TMEM245: variants seen among roughly 807,000 people sequenced by gnomAD.
The protein encoded by TMEM245 is protein CG-2.
In TMEM245, 69 loss-of-function variants were observed where a neutral mutation model predicts 101.2. The observed-to-expected ratio is 0.68, with a 90% CI of 0.56 to 0.83. The LOEUF (loss-of-function observed/expected upper bound fraction) is 0.83. Among genes scored for constraint, TMEM245 ranks in the 40% least tolerant of loss-of-function variants. The probability of loss-of-function intolerance (pLI) is 0.00; values close to 1 mark genes in which losing one functional copy is unlikely to be tolerated. For missense variants in TMEM245, 1,075 were observed against 1,092.8 expected, an observed-to-expected ratio of 0.98 and a Z score of 0.23; for synonymous variants, 537 against 449.8, an observed-to-expected ratio of 1.19 and a Z score of -2.45.
intron 4 of TMEM245, among the ~76,000 whole-genome samples, chr9:109,091,418 T>C (rs969400575): frequency 4.6e-5 from 7 of 152,194 alleles, no homozygotes; most frequent in Non-Finnish European, 1.0e-4. Context: ...TAAAACAAAA[T>C]ACATGACAAA....
intron 16 of TMEM245, among the ~76,000 whole-genome samples, chr9:109,033,827 G>C (rs1002592481): frequency 6.6e-6 from 1 of 152,200 alleles, no homozygotes; most frequent in Non-Finnish European, 1.5e-5. Context: ...CTTGGGACTG[G>C]TTAGGAGTCA....
intron 17 of TMEM245, among the ~76,000 whole-genome samples, chr9:109,028,523 A>C (rs965400332): frequency 6.6e-6 from 1 of 152,018 alleles, no homozygotes; most frequent in African/African-American, 2.4e-5. Flanking sequence ...CCATTCAAAA[A>C]ATTTCTGATT....
At chr9:109,115,939 AG>A (rs1318675967) in intron 1 of TMEM245, among the ~76,000 whole-genome samples, 1 of 152,350 alleles carries the variant, frequency 6.6e-6, no homozygotes, top group Non-Finnish European at 1.5e-5. Context: ...AACTGCTGCT[AG>A]GTCTATTGAA....
At chr9:109,059,860 CTG>C (rs1828956347) in intron 11 of TMEM245, among the ~76,000 whole-genome samples, 1 of 151,738 alleles carries the variant, frequency 6.6e-6, no homozygotes, top group African/African-American at 2.4e-5. Context: ...AGCTCAAAAA[CTG>C]AGATGTGCTG....
intron 16 of TMEM245, among the ~76,000 whole-genome samples, chr9:109,034,819 A>G (rs1267266048): frequency 6.6e-6 from 1 of 152,196 alleles, no homozygotes; most frequent in African/African-American, 2.4e-5. Flanking sequence ...AAAAAATAAA[A>G]CAATTTATGC....
intron 11 of TMEM245, among the ~76,000 whole-genome samples, chr9:109,058,484 C>T (rs1828913578): frequency 6.6e-6 from 1 of 152,080 alleles, no homozygotes; most frequent in Non-Finnish European, 1.5e-5. Context: ...GTAATCCTAC[C>T]ACTTTGGGAG....
chr9:109,106,735 G>GA, intron 2 of TMEM245, 126 bp from the exon 3 acceptor site: 21 of 561,666 alleles, frequency 3.7e-5, no homozygotes, highest in East Asian at 9.6e-5. Flanking sequence ...TACTTATCAG[G>GA]CAAAAAAAAA....
chr9:109,090,814 T>A (rs149516565), intron 5 of TMEM245, 108 bp downstream of exon 5: 1 of 968,080 alleles, frequency 1.0e-6, no homozygotes, highest in Admixed American at 2.8e-5. Flanking sequence ...AAGATTGTTT[T>A]ACTTTGCAAG....
intron 7 of TMEM245, among the ~76,000 whole-genome samples, chr9:109,081,221 T>C (rs1475622916): frequency 6.6e-6 from 1 of 152,204 alleles, no homozygotes; most frequent in Non-Finnish European, 1.5e-5. Context: ...AGGATATCTA[T>C]GTTTCAAATT....
rs199613967 is a variant in TMEM245 at position 109,093,507 on chromosome 9, C to T, written c.884G>A (p.Ser295Asn). The change falls in exon 4 of 18, where the codon AGC becomes AAC. Residue 295 changes from serine to asparagine, a missense_variant. By Grantham distance (46) the Ser-to-Asn change is conservative (BLOSUM62 1). Coordinates refer to ENST00000374586, the MANE Select transcript of TMEM245 (RefSeq NM_032012.4). ...CTGAGTGGAGGGCTGGTCTTCACTG[C>T]TTGATTCATACCCTGTGATAGAGAT... ...LAISITGYES[S>N]SEDQPSTQPA... 10 of 1,613,942 alleles carry T rather than the reference C, an allele frequency of 6.2e-6. No homozygotes were observed. The highest frequency in any genetic ancestry group is 7.6e-6 in the Non-Finnish European group (9 of 1,180,006).
At chr9:109,081,966 C>A (rs7470160) in intron 7 of TMEM245, among the ~76,000 whole-genome samples, 33,597 of 152,170 alleles carry the variant, frequency 0.22, 4,527 homozygotes, top group Admixed American at 0.3. Context: ...CATTTCAAAA[C>A]TACATTTAAC....
chr9:109,042,839 ATTTTT>A (rs754295748), intron 14 of TMEM245, among the ~76,000 whole-genome samples: 7 of 115,536 alleles, frequency 6.1e-5, no homozygotes, highest in Admixed American at 9.3e-5. Context: ...ATAGCTGACA[ATTTTT>A]TTTTTTTTTT....
intron 9 of TMEM245, among the ~76,000 whole-genome samples, chr9:109,066,470 A>C (rs1829169406): frequency 6.6e-6 from 1 of 151,206 alleles, no homozygotes; most frequent in African/African-American, 2.4e-5. Context: ...AAAAAAAAAA[A>C]AAAAAAAATT....
At chr9:109,090,565 A>T (rs796678897) in intron 5 of TMEM245, among the ~76,000 whole-genome samples, 7 of 149,252 alleles carry the variant, frequency 4.7e-5, no homozygotes, top group African/African-American at 1.7e-4. Context: ...TACTAAAAAT[A>T]AAAAAAAAAT....
At chr9:109,110,956 G>C (rs999352518) in intron 1 of TMEM245, among the ~76,000 whole-genome samples, 1 of 152,060 alleles carries the variant, frequency 6.6e-6, no homozygotes, top group African/African-American at 2.4e-5. Flanking sequence ...TACAATACTC[G>C]TATCAGGGAA....
At chr9:109,067,921 C>A (rs1379205350) in intron 9 of TMEM245, among the ~76,000 whole-genome samples, 2 of 152,136 alleles carry the variant, frequency 1.3e-5, no homozygotes, top group Non-Finnish European at 2.9e-5. Flanking sequence ...GGTCAACTGC[C>A]CTCCTGCTGA....
chr9:109,116,864 G>C (rs771815232), intron 1 of TMEM245, among the ~76,000 whole-genome samples: 1 of 151,990 alleles, frequency 6.6e-6, no homozygotes, highest in East Asian at 1.9e-4. Flanking sequence ...AGGACTCCTT[G>C]TCTTCTCAAG....
At chr9:109,022,569 C>T (rs569948315) in intron 17 of TMEM245, among the ~76,000 whole-genome samples, 11 of 152,108 alleles carry the variant, frequency 7.2e-5, no homozygotes, top group East Asian at 5.8e-4. Context: ...GCAGCATCCC[C>T]GGCCTCTATT....
chr9:109,050,761 T>G lies in TMEM245; in HGVS notation c.1855-69A>C. On this transcript the variant is annotated intron_variant, in intron 12 of 17. Coordinates refer to ENST00000374586, the MANE Select transcript of TMEM245 (RefSeq NM_032012.4). ...AAAAAGTTTCTAGAGCCATCTAGTG[T>G]GCTTTTAATACAGTGTTTTAGTACC... The G allele has an allele frequency of 5.1e-6, 8 of 1,573,360 alleles. No individual in the cohort carries two copies. The South Asian group carries it at 8.0e-5, about 16-fold the overall frequency.
Sources: allele counts gnomAD v4.1 joint callset (sites outside exome capture counted in the v4.1 genomes callset), GRCh38; gene constraint gnomAD v4.1.1; transcripts MANE v1.5; gene names NCBI Gene and HGNC (gene_info 2026-07-23, HGNC 2026-07-21).